Variants in FAM221A observed in about 807,000 individuals in gnomAD.
FAM221A encodes the protein family with sequence similarity 221 member A.
A neutral mutation model predicts 37.6 loss-of-function variants in FAM221A; 43 were observed. The ratio of observed to expected loss-of-function variants is 1.15; its 90% confidence interval spans 0.90 to 1.48. FAM221A has a LOEUF of 1.48. Ranked by LOEUF, FAM221A falls within the 40% of genes most tolerant of loss-of-function variation. The pLI, the probability that FAM221A is intolerant of heterozygous loss-of-function variation, is 0.00. For missense variants in FAM221A, 361 were observed against 361.5 expected, an observed-to-expected ratio of 1.00 and a Z score of 0.01; for synonymous variants, 135 against 132.9, an observed-to-expected ratio of 1.02 and a Z score of -0.11.
At position 23,698,270 on chromosome 7, in the gene FAM221A, C is replaced by G. The variant is rs961535302; in HGVS notation, c.716C>G (p.Ser239Cys). 5 of 1,585,930 alleles carry G rather than the reference C, an allele frequency of 3.2e-6. No individual in the cohort carries two copies. Among genetic ancestry groups the G allele is most frequent in the African/African-American group, 2.7e-5 (2 of 73,588 alleles). ...TTCCTAAAAGCATTTCAAGCATCAT[C>G]TAGTTCTTCTCCAGAAACGTTAACA... ...SPFLKAFQAS[S>C]SSSPETLTDV... is the part of the protein sequence containing the mutation. The change falls in exon 5 of 7, where the codon TCT becomes TGT. Residue 239 changes from serine (S) to cysteine (C), a missense_variant. By Grantham distance (112) the Ser-to-Cys change is moderately radical. Coordinates refer to ENST00000344962, the MANE Select transcript of FAM221A (RefSeq NM_199136.5).
intron 5 of FAM221A, among the ~76,000 whole-genome samples, chr7:23,699,587 G>A (rs1253332494): frequency 1.6e-5 from 2 of 124,908 alleles, no homozygotes; most frequent in Non-Finnish European, 3.2e-5. Context: ...CTGTTACCCA[G>A]GCTGGAGTAT....
chr7:23,698,512 C>T (rs557532399), intron 5 of FAM221A, among the ~76,000 whole-genome samples: 20 of 152,236 alleles, frequency 1.3e-4, no homozygotes, highest in Admixed American at 1.2e-3. Context: ...CCGAGAATGT[C>T]GAGGATTCTG....
chr7:23,697,895 GCA>G (rs1054459957), intron 4 of FAM221A, among the ~76,000 whole-genome samples: 1 of 151,912 alleles, frequency 6.6e-6, no homozygotes, highest in African/African-American at 2.4e-5. Context: ...AGGGCTACAG[GCA>G]CACACCACCA....
Position 23,698,176 on chromosome 7 carries a change from T to A in FAM221A, c.638-16T>A. ...GTAAATATTTAATTTTTATTCTCCATGTATTGTTTTCTCAGGTGTACCTTC... is the reference window on the plus strand; with the variant it reads ...GTAAATATTTAATTTTTATTCTCCAAGTATTGTTTTCTCAGGTGTACCTTC... On this transcript the variant is annotated splice_polypyrimidine_tract_variant and intron_variant, in intron 4 of 6. Coordinates refer to ENST00000344962, the MANE Select transcript of FAM221A (RefSeq NM_199136.5). 7.9e-7 allele frequency: 1 copy of A among 1,258,760 alleles called. No homozygotes were observed. The highest frequency in any genetic ancestry group is 1.5e-5 in the African/African-American group (1 of 67,138). 78.0% of individuals were successfully genotyped at this position (1,258,760 alleles called of 1,614,324 possible).
At chr7:23,697,796 G>A (rs915736110) in intron 4 of FAM221A, among the ~76,000 whole-genome samples, 1 of 152,150 alleles carries the variant, frequency 6.6e-6, no homozygotes, top group Non-Finnish European at 1.5e-5. Context: ...TGCCCAGGCC[G>A]GATCCAGTGA....
At chr7:23,685,821 G>T (rs959046890) in intron 2 of FAM221A, among the ~76,000 whole-genome samples, 6 of 152,128 alleles carry the variant, frequency 3.9e-5, no homozygotes, top group African/African-American at 1.4e-4. Flanking sequence ...TTTTGCTACC[G>T]TCTCACAGTT....
At chr7:23,685,256 GCAAAA>G (rs58823921) in intron 2 of FAM221A, among the ~76,000 whole-genome samples, 20,143 of 148,682 alleles carry the variant, frequency 0.14, 1,413 homozygotes, top group African/African-American at 0.15. Flanking sequence ...TCAAAACAAA[GCAAAA>G]CAAAACAAAA....
intron 2 of FAM221A, among the ~76,000 whole-genome samples, chr7:23,685,224 A>T (rs927724750): frequency 2.0e-5 from 3 of 152,100 alleles, no homozygotes; most frequent in Non-Finnish European, 2.9e-5. Flanking sequence ...CACCAGCCTG[A>T]GTGGCAGTGT....
chr7:23,693,141 T>G (rs1784847340), intron 4 of FAM221A: 1 of 152,246 alleles, frequency 6.6e-6, no homozygotes, highest in African/African-American at 2.4e-5. Flanking sequence ...TCTGCCTGTA[T>G]CCTTGCATGA....
At chr7:23,698,532 T>C (rs888555097) in intron 5 of FAM221A, among the ~76,000 whole-genome samples, 1 of 152,212 alleles carries the variant, frequency 6.6e-6, no homozygotes, top group East Asian at 1.9e-4. Context: ...GATACTACTA[T>C]AATTTGAAGT....
At chr7:23,692,151 A>G in intron 4 of FAM221A, 2 of 949,380 alleles carry the variant, frequency 2.1e-6, no homozygotes, top group Non-Finnish European at 2.5e-6. Flanking sequence ...ATGTAGGGAA[A>G]GTTTAATAGG....
rs766567064 is a variant in FAM221A, at chr7:23,684,548, G to T, written c.115G>T (p.Glu39Ter). Reference sequence around the variant, plus strand: ...GAAACTTTTTACTCCTGAAGAATATGAAGAATACAAAAGAAAAGTTTTACC... The same window carrying T: ...GAAACTTTTTACTCCTGAAGAATATTAAGAATACAAAAGAAAAGTTTTACC... The part of the protein sequence containing the change: ...GGKLFTPEEY[E>*]EYKRKVLPLR... The change falls in exon 2 of 7, where the codon GAA (glutamate) becomes TAA (stop). Residue 39 changes from glutamate (E) to a stop codon, truncating the protein, a stop_gained. Transcript: ENST00000344962. LOFTEE classifies it high-confidence loss of function. The T allele has an allele frequency of 2.5e-5, 40 of 1,613,498 alleles. No homozygotes were observed. Among genetic ancestry groups the T allele is most frequent in the Non-Finnish European group, 3.2e-5 (38 of 1,179,904 alleles).
At chr7:23,696,942 C>T (rs944524547) in intron 4 of FAM221A, among the ~76,000 whole-genome samples, 4 of 152,080 alleles carry the variant, frequency 2.6e-5, no homozygotes, top group Non-Finnish European at 5.9e-5. Flanking sequence ...ACCTGTGAGT[C>T]AGTGGGCCAG....
intron 4 of FAM221A, 138 bp from the exon 5 acceptor site, chr7:23,698,054 C>A: frequency 3.4e-6 from 2 of 586,332 alleles, no homozygotes; most frequent in Non-Finnish European, 5.9e-6. Flanking sequence ...GCCATTACAC[C>A]CAGTCTAAAA....
At chr7:23,684,336 C>T (rs1784238534) in intron 1 of FAM221A, among the ~76,000 whole-genome samples, 163 bp from the exon 2 acceptor site, 1 of 152,170 alleles carries the variant, frequency 6.6e-6, no homozygotes, top group African/African-American at 2.4e-5. Context: ...TCAGTCAGTG[C>T]TGAAACAGTT....
At chr7:23,685,132 C>A in intron 2 of FAM221A, among the ~76,000 whole-genome samples, 1 of 152,132 alleles carries the variant, frequency 6.6e-6, no homozygotes, top group Non-Finnish European at 1.5e-5. Flanking sequence ...GCCTGTAATC[C>A]TAGCTACTTG....
chr7:23,692,420 C>CA (rs1176298349), intron 4 of FAM221A: 1 of 217,816 alleles, frequency 4.6e-6, no homozygotes, highest in Non-Finnish European at 7.8e-6. Context: ...CGGCTCACCG[C>CA]AACCTCCGCC....
intron 5 of FAM221A, among the ~76,000 whole-genome samples, chr7:23,699,314 T>C (rs1785257757): frequency 6.8e-6 from 1 of 146,226 alleles, no homozygotes; most frequent in African/African-American, 2.5e-5. Context: ...AGCAGCAGGG[T>C]CTTGCTATGT....
intron 4 of FAM221A, among the ~76,000 whole-genome samples, chr7:23,695,245 G>A (rs2128046673): frequency 6.6e-6 from 1 of 152,290 alleles, no homozygotes; most frequent in South Asian, 2.1e-4. Context: ...CTGAGTAGCT[G>A]GGACTACAGG....
Sources: gnomAD v4.1 joint callset for allele counts (sites outside exome capture counted in the v4.1 genomes callset) on GRCh38, gnomAD v4.1.1 for gene constraint, MANE v1.5 for transcripts, NCBI Gene and HGNC (gene_info 2026-07-23, HGNC 2026-07-21) for gene names.